EPSTI1: variants seen among roughly 807,000 people sequenced by gnomAD.
EPSTI1 encodes the protein epithelial-stromal interaction protein 1.
EPSTI1 carries 66 observed loss-of-function variants against 49.9 expected under a neutral mutation model. The observed-to-expected ratio is 1.32, with a 90% CI of 1.08 to 1.62. The LOEUF is 1.62. EPSTI1 is among the 40% of genes most tolerant of loss of function. The pLI, the probability that EPSTI1 is intolerant of heterozygous loss-of-function variation, is 0.00. For missense variants in EPSTI1, 394 were observed against 365.5 expected (o/e 1.08, Z -0.64); for synonymous variants, 137 against 130.7 (o/e 1.05, Z -0.33).
chr13:42,980,467 C>T (rs376891092), intron 1 of EPSTI1, among the ~76,000 whole-genome samples: 3 of 152,174 alleles, frequency 2.0e-5, no homozygotes, highest in Admixed American at 2.0e-4. Flanking sequence ...AAAGGAGGAG[C>T]AAAGGCACAT....
At chr13:42,970,298 A>T (rs1338202045) in intron 2 of EPSTI1, 4 of 236,256 alleles carry the variant, frequency 1.7e-5, no homozygotes, top group Non-Finnish European at 3.2e-5. Flanking sequence ...AAGTACAGAG[A>T]GCACAAAAAC....
rs150900953 is a variant in EPSTI1 at position 42,888,708 on chromosome 13, A to G, written c.916-206T>C. Among the ~76,000 whole-genome samples, 512 of 152,312 alleles carry G rather than the reference A, an allele frequency of 3.4e-3. 2 individuals are homozygous for G. The highest frequency in any genetic ancestry group is 0.012 in the African/African-American group (504 of 41,550). On this transcript the variant is annotated intron_variant, in intron 10 of 10. Transcript: ENST00000313624. ...GATTCACAAAATAGTCTTGGTCAAT[A>G]AGGTAATGGCTTGTCAAGTGATGTC...
At chr13:42,973,144 A>T (rs962602349) in intron 1 of EPSTI1, among the ~76,000 whole-genome samples, 1 of 152,210 alleles carries the variant, frequency 6.6e-6, no homozygotes, top group African/African-American at 2.4e-5. Context: ...TGGAGAGAAA[A>T]ATCAACTCAT....
rs552741490 is a variant in EPSTI1, at chr13:42,886,727, C to T, written c.*1767G>A. On this transcript the variant is annotated 3_prime_UTR_variant, in exon 11 of 11. Coordinates refer to ENST00000313624, the MANE Select transcript of EPSTI1 (RefSeq NM_033255.5). The stretch of plus-strand genomic sequence containing the variant: ...TTTGGTTAAGCAAGATGTTTATACC[C>T]CCACACATATTCTAGATAGTTCTGG... The T allele has an allele frequency of 6.6e-6, 1 of 152,238 alleles. No homozygotes were observed. The highest frequency in any genetic ancestry group is 2.1e-4 in the South Asian group (1 of 4,818). 9.4% of individuals were successfully genotyped at this position (152,238 alleles called of 1,614,324 possible).
intron 6 of EPSTI1, among the ~76,000 whole-genome samples, chr13:42,941,491 C>G (rs1019503608): frequency 1.3e-5 from 2 of 151,618 alleles, no homozygotes; most frequent in African/African-American, 2.4e-5. Flanking sequence ...CCTAGTGGTG[C>G]ACACGTGTAG....
chr13:42,913,595 C>A (rs1174548908), intron 8 of EPSTI1, among the ~76,000 whole-genome samples: 1 of 152,134 alleles, frequency 6.6e-6, no homozygotes, highest in Non-Finnish European at 1.5e-5. Flanking sequence ...AAGAGTTAGA[C>A]CACTTTGGGA....
Position 42,966,654 on chromosome 13 carries a change from C to T in EPSTI1, c.331+2440G>A, listed in dbSNP as rs1249539156. Among the ~76,000 whole-genome samples, 3 of 75,390 alleles carry T rather than the reference C, an allele frequency of 4.0e-5. 1 individual carries two copies. 49.5% of individuals were successfully genotyped at this position (75,390 alleles called of 152,430 possible). A position where few individuals can be genotyped will look rare whatever the true frequency, so the allele number is the denominator to read the frequency against. On this transcript the variant is annotated intron_variant, in intron 3 of 10. Transcript: ENST00000313624. ...GCCACCCCATCTGGGAAGTAAGGAG[C>T]GTCTCCGCCCGGCAGCCACCCCGGC...
rs534405080 is a variant in EPSTI1, at chr13:42,950,820, T to A, written c.563+3128A>T. Among the ~76,000 whole-genome samples, 4 of 152,224 alleles carry A rather than the reference T, an allele frequency of 2.6e-5. No individual in the cohort carries two copies. The East Asian group carries it at 7.7e-4, about 29-fold the overall frequency. On this transcript the variant is annotated intron_variant, in intron 6 of 10. Coordinates refer to ENST00000313624, the MANE Select transcript of EPSTI1 (RefSeq NM_033255.5). ...GAGAATCTAATTTGGGAGGTGGGGGTAGGCAGTCTGGTTGGTCTGGCAAAA... is the reference window on the plus strand; with the variant it reads ...GAGAATCTAATTTGGGAGGTGGGGGAAGGCAGTCTGGTTGGTCTGGCAAAA...
At chr13:42,914,436 A>T (rs1459245540) in intron 8 of EPSTI1, among the ~76,000 whole-genome samples, 2 of 152,214 alleles carry the variant, frequency 1.3e-5, no homozygotes, top group African/African-American at 4.8e-5. Flanking sequence ...TTAAAAAAAA[A>T]AATAAAAGCC....
Position 42,900,309 on chromosome 13 carries a change from C to T in EPSTI1, c.815+1G>A. The T allele has an allele frequency of 6.2e-7, 1 of 1,613,310 alleles. No homozygotes were observed. Among genetic ancestry groups the T allele is most frequent in the Non-Finnish European group, 8.5e-7 (1 of 1,179,492 alleles). On this transcript the variant is annotated splice_donor_variant, in intron 9 of 10. Coordinates refer to ENST00000313624, the MANE Select transcript of EPSTI1 (RefSeq NM_033255.5). LOFTEE classifies it high-confidence loss of function. ...ATGCTTATTTTATTAGCCAGTTTTA[C>T]CTCCTGTGTTCAGTCTGGTGGATTT...
intron 1 of EPSTI1, among the ~76,000 whole-genome samples, chr13:42,989,617 A>G (rs200619771): frequency 3.4e-5 from 1 of 29,186 alleles, no homozygotes; most frequent in South Asian, 1.1e-3. Flanking sequence ...TTTTTGAGAC[A>G]GAGTCTCACT....
intron 10 of EPSTI1, among the ~76,000 whole-genome samples, chr13:42,890,299 T>TTC (rs1161007490): frequency 3.9e-5 from 5 of 126,818 alleles, no homozygotes; most frequent in East Asian, 5.2e-4. Flanking sequence ...TTCTTTTCTT[T>TTC]TTTTTTTTTT....
chr13:42,909,217 A>C (rs1205706857), intron 8 of EPSTI1, among the ~76,000 whole-genome samples: 1 of 152,218 alleles, frequency 6.6e-6, no homozygotes, highest in Admixed American at 6.5e-5. Flanking sequence ...AGGAAAATGC[A>C]AACTAAAACC....
rs748504676 is a variant in EPSTI1 at position 42,963,247 on chromosome 13, C to T, written c.489+8G>A. The T allele has an allele frequency of 1.9e-6, 3 of 1,609,196 alleles. No individual in the cohort carries two copies. Among genetic ancestry groups the T allele is most frequent in the East Asian group, 4.5e-5 (2 of 44,808 alleles). ...CAGCAAATGTGAACTAATCCTCCTC[C>T]TCCTTACCTTCTCTCTCTGAATTGC... On this transcript the variant is annotated splice_region_variant and intron_variant, in intron 5 of 10. Transcript: ENST00000313624.
At chr13:42,896,845 C>T (rs931789135) in intron 9 of EPSTI1, among the ~76,000 whole-genome samples, 2 of 152,166 alleles carry the variant, frequency 1.3e-5, no homozygotes, top group African/African-American at 2.4e-5. Context: ...GTGGCTCATG[C>T]CTGTAATCCC....
intron 1 of EPSTI1, among the ~76,000 whole-genome samples, chr13:42,971,868 A>G (rs139864925): frequency 6.6e-6 from 1 of 152,352 alleles, no homozygotes; most frequent in East Asian, 1.9e-4. Flanking sequence ...TGGATGCCCA[A>G]TTACTTAATG....
chr13:42,918,698 TTC>T, intron 7 of EPSTI1, among the ~76,000 whole-genome samples: 1 of 152,222 alleles, frequency 6.6e-6, no homozygotes, highest in African/African-American at 2.4e-5. Flanking sequence ...AAACTGGAGC[TTC>T]CTGTGTTCAG....
At position 42,928,489 on chromosome 13, in the gene EPSTI1, A is replaced by G. The variant is rs150690580; in HGVS notation, c.564-2060T>C. Reference sequence around the variant, plus strand: ...TTGGTATTATCACTACCGTGACTCTACTGCCTGTTGGAGAGGGGTGGTCCT... The same window carrying G: ...TTGGTATTATCACTACCGTGACTCTGCTGCCTGTTGGAGAGGGGTGGTCCT... On this transcript the variant is annotated intron_variant, in intron 6 of 10. Transcript: ENST00000313624. Among the ~76,000 whole-genome samples the G allele has an allele frequency of 3.6e-4, 55 of 152,258 alleles. No homozygotes were observed. In the East Asian group the frequency reaches 9.6e-3, roughly 27 times the overall value.
intron 8 of EPSTI1, among the ~76,000 whole-genome samples, chr13:42,902,117 A>C (rs2037379456): frequency 6.6e-6 from 1 of 152,206 alleles, no homozygotes; most frequent in Non-Finnish European, 1.5e-5. Flanking sequence ...ATTTTTAAAA[A>C]ACTGTATTAT....
Sources: gnomAD v4.1 joint callset for allele counts (sites outside exome capture counted in the v4.1 genomes callset) on GRCh38, gnomAD v4.1.1 for gene constraint, MANE v1.5 for transcripts, NCBI Gene and HGNC (gene_info 2026-07-23, HGNC 2026-07-21) for gene names.